The following FER variants were observed in gnomAD, a reference collection of about 807,000 sequenced individuals.
FER encodes FER tyrosine kinase.
A neutral mutation model predicts 111.0 loss-of-function variants in FER; 63 were observed. The observed-to-expected ratio is 0.57, with a 90% confidence interval of 0.46 to 0.70. The LOEUF (loss-of-function observed/expected upper bound fraction) is 0.70, where lower values mean the gene tolerates loss of function less well. Ranked by LOEUF, FER falls within the 30% of genes least tolerant of loss-of-function variation. FER has a pLI of 0.00. For synonymous variants in FER, 327 were observed against 313.9 expected, an observed-to-expected ratio of 1.04 and a Z score of -0.44; for missense variants, 914 against 954.0, an observed-to-expected ratio of 0.96 and a Z score of 0.55.
intron 11 of FER, among the ~76,000 whole-genome samples, chr5:108,949,082 T>C (rs1212331051): frequency 6.6e-6 from 1 of 152,124 alleles, no homozygotes; most frequent in Non-Finnish European, 1.5e-5. Flanking sequence ...TAGAATAATA[T>C]TGTAAGTAAG....
intron 13 of FER, among the ~76,000 whole-genome samples, chr5:109,021,822 G>A (rs1008601546): frequency 2.0e-5 from 3 of 151,950 alleles, no homozygotes; most frequent in Admixed American, 6.6e-5. Flanking sequence ...AAAAGTTGTT[G>A]TTTTTTCATG....
intron 5 of FER, among the ~76,000 whole-genome samples, chr5:108,838,244 A>G (rs1013113426): frequency 2.0e-5 from 3 of 152,168 alleles, no homozygotes; most frequent in Admixed American, 6.5e-5. Context: ...TTATGTCAGA[A>G]CCTTAGTTCA....
At chr5:109,137,324 C>T (rs1388760130) in intron 17 of FER, among the ~76,000 whole-genome samples, 2 of 152,132 alleles carry the variant, frequency 1.3e-5, no homozygotes, top group African/African-American at 4.8e-5. Context: ...TCAGAGGGTC[C>T]ACATACCATG....
At chr5:108,859,477 A>G (rs1409652777) in intron 5 of FER, among the ~76,000 whole-genome samples, 1 of 152,164 alleles carries the variant, frequency 6.6e-6, no homozygotes, top group African/African-American at 2.4e-5. Flanking sequence ...CTCATAGCCA[A>G]TTTAAAATTT....
At chr5:108,943,101 C>T (rs1391196779) in intron 10 of FER, among the ~76,000 whole-genome samples, 2 of 152,178 alleles carry the variant, frequency 1.3e-5, no homozygotes, top group East Asian at 3.9e-4. Context: ...CTTCCTTTCA[C>T]GATAGTTCAG....
At chr5:108,869,620 C>T (rs1166466239) in intron 6 of FER, among the ~76,000 whole-genome samples, 1 of 152,094 alleles carries the variant, frequency 6.6e-6, no homozygotes, top group Non-Finnish European at 1.5e-5. Flanking sequence ...ACATCGTTTT[C>T]TTTGAAGGGC....
At chr5:108,769,690 A>G (rs1362344283) in intron 2 of FER, among the ~76,000 whole-genome samples, 1 of 151,932 alleles carries the variant, frequency 6.6e-6, no homozygotes, top group African/African-American at 2.4e-5. Context: ...TGGGCATGGA[A>G]AGAGAGAGAG....
chr5:108,794,757 C>T (rs1407483085), intron 2 of FER, among the ~76,000 whole-genome samples: 1 of 152,142 alleles, frequency 6.6e-6, no homozygotes. Flanking sequence ...TGCTGCCACA[C>T]ATGTGGGATC....
At chr5:108,963,396 T>C (rs1326360316) in intron 13 of FER, among the ~76,000 whole-genome samples, 4 of 152,066 alleles carry the variant, frequency 2.6e-5, no homozygotes, top group Admixed American at 2.6e-4. Flanking sequence ...ACCCCGTCTC[T>C]ACTAAAAATA....
At chr5:108,797,099 G>A (rs940136511) in intron 2 of FER, among the ~76,000 whole-genome samples, 4 of 151,974 alleles carry the variant, frequency 2.6e-5, no homozygotes, top group Admixed American at 6.6e-5. Context: ...GAAGCCTGCC[G>A]GGACTGGGTC....
chr5:109,104,874 C>T (rs1748690612), intron 17 of FER, among the ~76,000 whole-genome samples: 1 of 151,994 alleles, frequency 6.6e-6, no homozygotes. Context: ...TCATGAGTAG[C>T]TGGGACTACA....
At chr5:109,144,358 A>C (rs1159419922) in intron 17 of FER, among the ~76,000 whole-genome samples, 1 of 152,060 alleles carries the variant, frequency 6.6e-6, no homozygotes, top group Admixed American at 6.6e-5. Context: ...TGGATTGGTG[A>C]TGTCCTTGGC....
At chr5:108,813,010 G>A (rs930716274) in intron 3 of FER, among the ~76,000 whole-genome samples, 3 of 151,942 alleles carry the variant, frequency 2.0e-5, no homozygotes, top group African/African-American at 7.2e-5. Flanking sequence ...TACAGTGTAT[G>A]GTAGTCTTCT....
At chr5:108,781,699 G>C (rs1754097649) in intron 2 of FER, among the ~76,000 whole-genome samples, 1 of 152,074 alleles carries the variant, frequency 6.6e-6, no homozygotes, top group Admixed American at 6.5e-5. Flanking sequence ...ACAGATGTTT[G>C]TTAGCACTAT....
intron 13 of FER, among the ~76,000 whole-genome samples, chr5:108,989,358 A>G (rs1029397545): frequency 2.0e-5 from 3 of 152,134 alleles, no homozygotes; most frequent in African/African-American, 7.2e-5. Context: ...GCATTCTGCA[A>G]TATTCTTCAG....
chr5:108,893,673 T>A (rs1748556697), intron 9 of FER, among the ~76,000 whole-genome samples: 1 of 151,990 alleles, frequency 6.6e-6, no homozygotes, highest in Non-Finnish European at 1.5e-5. Context: ...TCTCCCCCCA[T>A]ATTTGTGTGA....
intron 3 of FER, among the ~76,000 whole-genome samples, chr5:108,825,366 A>G (rs902735147): frequency 6.6e-6 from 1 of 152,228 alleles, no homozygotes; most frequent in African/African-American, 2.4e-5. Flanking sequence ...GGGACGTTCC[A>G]TGCTGAAAGA....
chr5:109,048,324 G>T (rs936557501), intron 16 of FER, among the ~76,000 whole-genome samples: 2 of 152,092 alleles, frequency 1.3e-5, no homozygotes, highest in African/African-American at 4.8e-5. Flanking sequence ...GGCATTGTCT[G>T]TGTTAAGTAC....
intron 9 of FER, chr5:108,891,622 T>C (rs1748066781): frequency 6.6e-6 from 1 of 151,962 alleles, no homozygotes; most frequent in African/African-American, 2.4e-5. Context: ...CTTTGCCTAG[T>C]CCTAGATCTC....
Sources: allele counts gnomAD v4.1 joint callset (sites outside exome capture counted in the v4.1 genomes callset), GRCh38; gene constraint gnomAD v4.1.1; transcripts MANE v1.5; gene names NCBI Gene and HGNC (gene_info 2026-07-23, HGNC 2026-07-21).